FARP1: variants seen among roughly 807,000 people sequenced by gnomAD.
The protein encoded by FARP1 is FERM, ARHGEF and pleckstrin domain-containing protein 1.
A neutral mutation model predicts 128.8 loss-of-function variants in FARP1; 52 were observed. The ratio of observed to expected loss-of-function variants is 0.40; its 90% confidence interval spans 0.32 to 0.51. The LOEUF is 0.51. Ranked by LOEUF, FARP1 falls within the 20% of genes least tolerant of loss-of-function variation. The pLI is 0.45. For missense variants in FARP1, 1,333 were observed against 1,367.9 expected (o/e 0.97, Z 0.40); for synonymous variants, 580 against 551.8 (o/e 1.05, Z -0.72).
At chr13:98,424,472 G>T in intron 16 of FARP1, 100 bp from the exon 17 acceptor site, 1 of 768,348 alleles carries the variant, frequency 1.3e-6, no homozygotes. Flanking sequence ...TGTCCGGGGA[G>T]GGGTGATTGG....
At chr13:98,254,907 G>T (rs1008187599) in intron 2 of FARP1, among the ~76,000 whole-genome samples, 1 of 151,392 alleles carries the variant, frequency 6.6e-6, no homozygotes, top group Non-Finnish European at 1.5e-5. Context: ...CAAAGAAAAA[G>T]ACATATTTAC....
chr13:98,368,341 T>A (rs1889186989), intron 5 of FARP1, 146 bp downstream of exon 5: 1 of 617,366 alleles, frequency 1.6e-6, no homozygotes, highest in Non-Finnish European at 2.8e-6. Flanking sequence ...CCTTCCTCTT[T>A]CCCAGCCCTG....
intron 1 of FARP1, among the ~76,000 whole-genome samples, chr13:98,154,365 T>G (rs148361628): frequency 1.3e-5 from 2 of 152,352 alleles, no homozygotes; most frequent in African/African-American, 4.8e-5. Flanking sequence ...TAGTGGTATC[T>G]CATCATGGTT....
At chr13:98,368,559 A>G (rs1889195126) in intron 5 of FARP1, among the ~76,000 whole-genome samples, 1 of 152,192 alleles carries the variant, frequency 6.6e-6, no homozygotes, top group Non-Finnish European at 1.5e-5. Context: ...TGGGTGGTAG[A>G]TTTGGCAGGA....
At chr13:98,448,200 A>C in intron 26 of FARP1, 36 bp from the exon 27 acceptor site, 1 of 1,585,964 alleles carries the variant, frequency 6.3e-7, no homozygotes, top group Non-Finnish European at 8.7e-7. Context: ...GTCCGTCCAA[A>C]CAAAAGGTTG....
At chr13:98,168,227 T>C (rs1877416918) in intron 1 of FARP1, among the ~76,000 whole-genome samples, 1 of 152,156 alleles carries the variant, frequency 6.6e-6, no homozygotes, top group Non-Finnish European at 1.5e-5. Context: ...GCTGTTGTAA[T>C]AGACTCTACT....
intron 16 of FARP1, among the ~76,000 whole-genome samples, chr13:98,412,250 AT>A (rs775118289): frequency 1.3e-5 from 2 of 152,080 alleles, no homozygotes; most frequent in African/African-American, 4.8e-5. Context: ...TTCAAGATGG[AT>A]TTTTTTCCCT....
chr13:98,162,956 C>T (rs1413489319), intron 1 of FARP1, among the ~76,000 whole-genome samples: 1 of 152,186 alleles, frequency 6.6e-6, no homozygotes, highest in East Asian at 1.9e-4. Context: ...TTCAACTGAG[C>T]AATCTCATTA....
intron 2 of FARP1, among the ~76,000 whole-genome samples, chr13:98,306,813 C>T (rs577949973): frequency 2.0e-4 from 30 of 152,282 alleles, no homozygotes; most frequent in Admixed American, 1.6e-3. Context: ...TGTGAGCCAC[C>T]GTGCCCGGCC....
At chr13:98,412,259 C>T (rs960289421) in intron 16 of FARP1, among the ~76,000 whole-genome samples, 3 of 152,058 alleles carry the variant, frequency 2.0e-5, no homozygotes, top group Non-Finnish European at 4.4e-5. Context: ...GATTTTTTTC[C>T]CTCTCTTATG....
At chr13:98,266,799 G>A (rs1035863330) in intron 2 of FARP1, among the ~76,000 whole-genome samples, 5 of 152,032 alleles carry the variant, frequency 3.3e-5, no homozygotes, top group African/African-American at 1.2e-4. Context: ...ATCGCTTGAG[G>A]TCAGGAGTTC....
chr13:98,293,871 G>T (rs1463315755), intron 2 of FARP1, among the ~76,000 whole-genome samples: 2 of 152,082 alleles, frequency 1.3e-5, no homozygotes, highest in African/African-American at 2.4e-5. Flanking sequence ...ACATTTTTTT[G>T]CTCAGCTCAC....
rs1262947184 is a variant in FARP1 at position 98,448,274 on chromosome 13, C to T, written c.3095C>T (p.Ser1032Leu). ...EVIRSATSSA[S>L]RPHVLSHKES... is the part of the protein sequence containing the mutation. The stretch of plus-strand genomic sequence containing the variant: ...ATCCGCAGTGCCACCAGCTCTGCCT[C>T]GCGACCCCACGTGTTGAGTCACAAA... The change falls in exon 27 of 27, where the codon TCG becomes TTG. Residue 1032 changes from serine (S) to leucine (L), a missense_variant. This residue lies in a region of FARP1 where 1,009 missense variants were observed against 969.8 expected (regional missense o/e 1.04). Coordinates refer to ENST00000319562, the MANE Select transcript of FARP1 (RefSeq NM_005766.4). 25 of 1,613,976 alleles carry T rather than the reference C, an allele frequency of 1.5e-5. No homozygotes were observed. Among genetic ancestry groups the T allele is most frequent in the African/African-American group, 8.0e-5 (6 of 74,924 alleles).
At chr13:98,324,021 C>T (rs1887121150) in intron 2 of FARP1, among the ~76,000 whole-genome samples, 1 of 152,176 alleles carries the variant, frequency 6.6e-6, no homozygotes, top group African/African-American at 2.4e-5. Context: ...TGAGGAGTTG[C>T]ACATGAAGGA....
chr13:98,318,438 C>T (rs141062075), intron 2 of FARP1, among the ~76,000 whole-genome samples: 3 of 152,312 alleles, frequency 2.0e-5, no homozygotes, highest in South Asian at 2.1e-4. Context: ...GCTGTATTTC[C>T]TTACTTTAAC....
chr13:98,283,946 C>G, intron 2 of FARP1, among the ~76,000 whole-genome samples: 1 of 152,188 alleles, frequency 6.6e-6, no homozygotes. Context: ...TGTGGAAGGG[C>G]TCCAGCAACA....
At chr13:98,242,293 A>C (rs528093026) in intron 2 of FARP1, among the ~76,000 whole-genome samples, 1 of 152,300 alleles carries the variant, frequency 6.6e-6, no homozygotes, top group South Asian at 2.1e-4. Context: ...GTTTTTCTCC[A>C]TGCTTTTATC....
intron 2 of FARP1, chr13:98,333,289 T>TA (rs1887589840): frequency 6.6e-6 from 1 of 152,170 alleles, no homozygotes; most frequent in South Asian, 2.1e-4. Flanking sequence ...CATCTACTTC[T>TA]AAAAGGGTGA....
intron 17 of FARP1, among the ~76,000 whole-genome samples, chr13:98,430,097 T>G (rs972913938): frequency 6.6e-6 from 1 of 151,862 alleles, no homozygotes; most frequent in African/African-American, 2.4e-5. Context: ...AAATAATTTT[T>G]TTTTAAATTA....
Sources: allele counts gnomAD v4.1 joint callset (sites outside exome capture counted in the v4.1 genomes callset), GRCh38; gene constraint gnomAD v4.1.1; regional missense constraint gnomAD v4.1.1; transcripts MANE v1.5; gene names NCBI Gene and HGNC (gene_info 2026-07-23, HGNC 2026-07-21).